Variants in TMEM181 observed in about 807,000 individuals in gnomAD.
TMEM181 encodes G protein-coupled receptor 178.
A neutral mutation model predicts 71.9 loss-of-function variants in TMEM181; 39 were observed. The observed-to-expected ratio is 0.54, with a 90% CI of 0.42 to 0.71. The LOEUF is 0.71. Ranked by LOEUF, TMEM181 falls within the 30% of genes least tolerant of loss-of-function variation. TMEM181 has a pLI of 0.00. For missense variants in TMEM181, 595 were observed against 583.0 expected (o/e 1.02, Z -0.21); for synonymous variants, 245 against 228.8 (o/e 1.07, Z -0.64).
chr6:158,614,191 A>G (rs1785482266), intron 10 of TMEM181, among the ~76,000 whole-genome samples: 2 of 152,198 alleles, frequency 1.3e-5, no homozygotes, highest in African/African-American at 2.4e-5. Context: ...GCAGCACCCA[A>G]AGGCCGGGGG....
At position 158,634,369 on chromosome 6, in the gene TMEM181, ATTG is replaced by A. The variant is rs1786822005; in HGVS notation, c.*2485_*2487del. Reference sequence around the variant, plus strand: ...AGAAACTTTTGACAGTAGCAAGAAAATTGTTGAAGAAAAAATAAATTATTTACT... The same window carrying A: ...AGAAACTTTTGACAGTAGCAAGAAAATTGAAGAAAAAATAAATTATTTACT... On this transcript the variant is annotated 3_prime_UTR_variant, in exon 17 of 17. Coordinates refer to ENST00000684151, the MANE Select transcript of TMEM181 (RefSeq NM_001376852.1). The A allele has an allele frequency of 2.0e-5, 3 of 152,334 alleles. No homozygotes were observed. The highest frequency in any genetic ancestry group is 4.4e-5 in the Non-Finnish European group (3 of 68,022). The allele number at this position is 152,334 out of a possible 1,614,324, so 9.4% of individuals were successfully genotyped here. A position where few individuals can be genotyped will look rare whatever the true frequency, so the allele number is the denominator to read the frequency against.
chr6:158,570,036 C>G (rs1454401583), intron 1 of TMEM181, among the ~76,000 whole-genome samples: 2 of 152,070 alleles, frequency 1.3e-5, no homozygotes, highest in East Asian at 1.9e-4. Context: ...TTCTCTGCTT[C>G]CAAGTAATTT....
At chr6:158,605,621 A>G (rs544833952) in intron 7 of TMEM181, among the ~76,000 whole-genome samples, 1 of 152,234 alleles carries the variant, frequency 6.6e-6, no homozygotes, top group East Asian at 1.9e-4. Context: ...GTGCCATTTC[A>G]CCTGTGTGGA....
intron 1 of TMEM181, among the ~76,000 whole-genome samples, chr6:158,573,008 G>A (rs1419528185): frequency 1.3e-5 from 2 of 152,086 alleles, no homozygotes; most frequent in African/African-American, 2.4e-5. Flanking sequence ...CCCATAGGCC[G>A]TGTGCTTGTG....
At chr6:158,537,495 A>G (rs552537212) in intron 1 of TMEM181, among the ~76,000 whole-genome samples, 98 of 152,232 alleles carry the variant, frequency 6.4e-4, no homozygotes, top group Admixed American at 3.1e-3. Flanking sequence ...GGCCTAGGGG[A>G]GAGCGGTGGG....
chr6:158,608,762 T>G lies in TMEM181; in HGVS notation c.896+12T>G. ...GGAATATGGCAAACGTGAGTAATTC[T>G]ATTATGTGTGAAACTTCAGTCATGA... is the stretch of plus-strand genomic sequence containing the variant. On this transcript the variant is annotated intron_variant, in intron 10 of 16. Coordinates refer to ENST00000684151, the MANE Select transcript of TMEM181 (RefSeq NM_001376852.1). 1 of 1,605,724 alleles carries G rather than the reference T, an allele frequency of 6.2e-7. No individual in the cohort carries two copies. Among genetic ancestry groups the G allele is most frequent in the East Asian group, 2.2e-5 (1 of 44,850 alleles).
intron 1 of TMEM181, among the ~76,000 whole-genome samples, chr6:158,537,946 G>A (rs566326221): frequency 6.6e-6 from 1 of 152,250 alleles, no homozygotes; most frequent in Admixed American, 6.5e-5. Flanking sequence ...TGGTTACTGA[G>A]TGAAAAAGCC....
chr6:158,542,462 G>A (rs1246955102), intron 1 of TMEM181, among the ~76,000 whole-genome samples: 1 of 152,192 alleles, frequency 6.6e-6, no homozygotes, highest in East Asian at 1.9e-4. Context: ...GTTCGAGGTT[G>A]CACTTTAGAA....
intron 8 of TMEM181, among the ~76,000 whole-genome samples, chr6:158,608,074 T>C (rs1221942270): frequency 2.0e-5 from 3 of 152,214 alleles, no homozygotes; most frequent in Admixed American, 6.5e-5. Flanking sequence ...GAAAACAAAA[T>C]AGCCATTGGT....
At chr6:158,536,988 C>G in intron 1 of TMEM181, 1 of 463,974 alleles carries the variant, frequency 2.2e-6, no homozygotes, top group Non-Finnish European at 2.8e-6. Flanking sequence ...CGGCCGGGCG[C>G]GGAGCCTACG....
intron 16 of TMEM181, 49 bp from the exon 17 acceptor site, chr6:158,631,761 T>G (rs1374146860): frequency 6.5e-7 from 1 of 1,541,088 alleles, no homozygotes; most frequent in Non-Finnish European, 8.8e-7. Context: ...AAGAGGAAAA[T>G]AAAGAGCTGT....
chr6:158,559,969 C>CGG (rs5881278), upstream of TMEM181: 14 of 836,184 alleles, frequency 1.7e-5, no homozygotes, highest in African/African-American at 1.5e-4. Flanking sequence ...CGCCCCGGCA[C>CGG]GGGGCCACGA....
At chr6:158,628,222 C>A in intron 13 of TMEM181, 186 bp from the exon 14 acceptor site, 2 of 710,960 alleles carry the variant, frequency 2.8e-6, no homozygotes, top group East Asian at 5.4e-5. Flanking sequence ...AAACCAGAAG[C>A]AGGGGCTGTG....
intron 11 of TMEM181, among the ~76,000 whole-genome samples, chr6:158,624,767 A>T (rs1393106471): frequency 1.3e-5 from 2 of 152,142 alleles, no homozygotes; most frequent in East Asian, 3.9e-4. Flanking sequence ...CAGGGTGGGG[A>T]GCCAGCCCCT....
intron 1 of TMEM181, among the ~76,000 whole-genome samples, chr6:158,554,882 G>A (rs1781830073): frequency 6.6e-6 from 1 of 152,228 alleles, no homozygotes; most frequent in Admixed American, 6.6e-5. Flanking sequence ...TCACATGTCT[G>A]AACTTTATTT....
intron 6 of TMEM181, 130 bp from the exon 7 acceptor site, chr6:158,605,136 GT>G: frequency 1.0e-5 from 4 of 395,004 alleles, no homozygotes; most frequent in Non-Finnish European, 1.8e-5. Context: ...AAAAAAGTGT[GT>G]GTGTGTGTGT....
intron 10 of TMEM181, among the ~76,000 whole-genome samples, chr6:158,613,424 T>C (rs891426069): frequency 6.6e-6 from 1 of 152,214 alleles, no homozygotes; most frequent in Non-Finnish European, 1.5e-5. Flanking sequence ...AGGAATCAGA[T>C]AAGACTTTCC....
chr6:158,556,825 C>T (rs765070101), upstream of TMEM181, among the ~76,000 whole-genome samples: 3 of 151,976 alleles, frequency 2.0e-5, no homozygotes, highest in African/African-American at 2.4e-5. Context: ...TGCAGTGACG[C>T]CATCTTGGCT....
rs146477975 is a variant in TMEM181 at position 158,624,148 on chromosome 6, G to A, written c.954+541G>A. On this transcript the variant is annotated intron_variant, in intron 11 of 16. Transcript: ENST00000684151. ...AGGCCCTGTCACTGTGGTTCTGGTC[G>A]GCTGCTCTTCCTTCCCAGTCAGGTG... 2.2e-3 allele frequency among the ~76,000 whole-genome samples: 338 copies of A among 152,274 alleles called. 4 individuals are homozygous for A. Among genetic ancestry groups the A allele is most frequent in the Middle Eastern group, 0.014 (4 of 294 alleles).
Sources: allele counts gnomAD v4.1 joint callset (sites outside exome capture counted in the v4.1 genomes callset), GRCh38; gene constraint gnomAD v4.1.1; transcripts MANE v1.5; gene names NCBI Gene and HGNC (gene_info 2026-07-23, HGNC 2026-07-21).